The following DPP10 variants were observed in gnomAD, a reference collection of about 807,000 sequenced individuals.
The protein encoded by DPP10 is dipeptidyl peptidase like 10.
DPP10 carries 33 observed loss-of-function variants against 120.9 expected under a neutral mutation model. That is an observed-to-expected ratio of 0.27 (90% CI 0.21 to 0.37). DPP10 has a LOEUF of 0.37. DPP10 is among the 10% of genes least tolerant of loss of function. The pLI is 1.00. For synonymous variants in DPP10, 337 were observed against 326.1 expected, an observed-to-expected ratio of 1.03 and a Z score of -0.36; for missense variants, 816 against 942.8, an observed-to-expected ratio of 0.87 and a Z score of 1.76.
intron 5 of DPP10, among the ~76,000 whole-genome samples, chr2:115,578,797 A>G (rs544593115): frequency 6.6e-6 from 1 of 152,270 alleles, no homozygotes; most frequent in African/African-American, 2.4e-5. Flanking sequence ...TTACTATATT[A>G]CTTGTCCCTA....
intron 24 of DPP10, among the ~76,000 whole-genome samples, chr2:115,840,310 G>GGTTT (rs1689958721): frequency 1.4e-5 from 1 of 69,982 alleles, no homozygotes; most frequent in South Asian, 6.2e-4. Flanking sequence ...CCAGATATAA[G>GGTTT]GTTTTTTGGT....
At chr2:115,382,313 C>G (rs137882918) in intron 3 of DPP10, among the ~76,000 whole-genome samples, 332 of 152,270 alleles carry the variant, frequency 2.2e-3, no homozygotes, top group Non-Finnish European at 3.8e-3. Flanking sequence ...TGGGAGTGAC[C>G]TGATTTTCCA....
intron 1 of DPP10, among the ~76,000 whole-genome samples, chr2:114,785,737 G>T (rs939899666): frequency 1.3e-5 from 2 of 152,132 alleles, no homozygotes; most frequent in African/African-American, 4.8e-5. Context: ...GTCTAAGGGG[G>T]AGCTGAAGAC....
chr2:115,618,371 C>A (rs1341747878), intron 5 of DPP10, among the ~76,000 whole-genome samples: 1 of 152,044 alleles, frequency 6.6e-6, no homozygotes, highest in Non-Finnish European at 1.5e-5. Flanking sequence ...GTCGTGAAAG[C>A]CTTCTGTGAG....
chr2:114,565,140 G>A (rs747333079), intron 1 of DPP10, among the ~76,000 whole-genome samples: 4 of 152,130 alleles, frequency 2.6e-5, no homozygotes, highest in Non-Finnish European at 5.9e-5. Flanking sequence ...GGTTCAAGAA[G>A]GGCTAATCCT....
chr2:115,106,579 G>A (rs1442305592), intron 1 of DPP10, among the ~76,000 whole-genome samples: 3 of 152,058 alleles, frequency 2.0e-5, no homozygotes, highest in Non-Finnish European at 4.4e-5. Context: ...TCCTACCTCA[G>A]CTCCCCGAGT....
chr2:115,024,759 A>T (rs1703339035), intron 1 of DPP10, among the ~76,000 whole-genome samples: 1 of 147,600 alleles, frequency 6.8e-6, no homozygotes, highest in African/African-American at 2.5e-5. Flanking sequence ...TTTATATATA[A>T]ATATGTATTT....
chr2:115,156,854 T>C (rs2051948927), intron 1 of DPP10, among the ~76,000 whole-genome samples: 2 of 152,266 alleles, frequency 1.3e-5, no homozygotes, highest in South Asian at 4.1e-4. Context: ...TGTAGACAAA[T>C]CTGATTGAGA....
intron 1 of DPP10, among the ~76,000 whole-genome samples, chr2:115,127,759 C>T (rs934709547): frequency 1.3e-5 from 2 of 152,130 alleles, no homozygotes; most frequent in Admixed American, 6.6e-5. Flanking sequence ...TTACTTGCCC[C>T]TTAGTAGCTT....
At chr2:115,667,200 A>G (rs1469837684) in intron 5 of DPP10, among the ~76,000 whole-genome samples, 4 of 151,844 alleles carry the variant, frequency 2.6e-5, no homozygotes, top group Non-Finnish European at 4.4e-5. Context: ...TAATATGGTT[A>G]TTTGTTTTTA....
At chr2:115,056,578 T>A (rs1021208989) in intron 1 of DPP10, among the ~76,000 whole-genome samples, 1 of 152,116 alleles carries the variant, frequency 6.6e-6, no homozygotes, top group Non-Finnish European at 1.5e-5. Flanking sequence ...AGGTCTGTCT[T>A]GAACTCCTGG....
At chr2:115,404,432 G>T (rs1559551886) in intron 3 of DPP10, among the ~76,000 whole-genome samples, 1 of 152,064 alleles carries the variant, frequency 6.6e-6, no homozygotes, top group Non-Finnish European at 1.5e-5. Flanking sequence ...TTTAGGTGGG[G>T]ACAACATCCA....
At chr2:114,591,649 G>A (rs1280019668) in intron 1 of DPP10, among the ~76,000 whole-genome samples, 2 of 148,642 alleles carry the variant, frequency 1.3e-5, no homozygotes, top group African/African-American at 2.5e-5. Context: ...CTGCCTTCCT[G>A]GTTCAAGTGA....
rs78116780 is a variant in DPP10 at position 115,403,381 on chromosome 2, C to CTTTTTTTTTTTTTTT, written c.271+59491_271+59505dup. ...TACTTCTCTCTTTCTTTCTTTCCTT[C>CTTTTTTTTTTTTTTT]TTTTTTTTTTTTTTTTTTTTTTTTT... On this transcript the variant is annotated intron_variant, in intron 3 of 25. Transcript: ENST00000410059. 4.2e-5 allele frequency among the ~76,000 whole-genome samples: 5 copies of CTTTTTTTTTTTTTTT among 118,384 alleles called. 1 individual carries two copies. The highest frequency in any genetic ancestry group is 1.1e-4 in the African/African-American group (3 of 28,106). 77.7% of individuals were successfully genotyped at this position (118,384 alleles called of 152,430 possible).
At chr2:115,342,762 A>G (rs1459269735) in intron 2 of DPP10, among the ~76,000 whole-genome samples, 1 of 152,202 alleles carries the variant, frequency 6.6e-6, no homozygotes, top group African/African-American at 2.4e-5. Flanking sequence ...CTAAAATTAT[A>G]ATCAAACAAT....
At chr2:114,757,803 G>C (rs115296741) in intron 1 of DPP10, among the ~76,000 whole-genome samples, 2 of 152,092 alleles carry the variant, frequency 1.3e-5, no homozygotes, top group African/African-American at 4.8e-5. Flanking sequence ...GCGTTTCCAC[G>C]TGTTTCCGAT....
At position 115,430,926 on chromosome 2, in the gene DPP10, A is replaced by T. The variant is rs186527933; in HGVS notation, c.272-68584A>T. Among the ~76,000 whole-genome samples, 148 of 152,318 alleles carry T rather than the reference A, an allele frequency of 9.7e-4. No homozygotes were observed. In the Middle Eastern group the frequency reaches 0.014, roughly 14 times the overall value. On this transcript the variant is annotated intron_variant, in intron 3 of 25. Transcript: ENST00000410059. ...GCAGTTACTCTGAAATCTTAAATGA[A>T]TCATATTGGAGTAAGGTGACATAAA...
At chr2:115,589,138 G>A (rs1010947673) in intron 5 of DPP10, among the ~76,000 whole-genome samples, 1 of 152,132 alleles carries the variant, frequency 6.6e-6, no homozygotes, top group African/African-American at 2.4e-5. Context: ...AGTGAACAGT[G>A]TTTGTACACT....
chr2:114,656,094 TG>T (rs778189343), intron 1 of DPP10, among the ~76,000 whole-genome samples: 13 of 152,202 alleles, frequency 8.5e-5, no homozygotes, highest in Non-Finnish European at 1.8e-4. Flanking sequence ...TTTGCATATT[TG>T]TGTCTTTGAA....
Sources: gnomAD v4.1 joint callset for allele counts (sites outside exome capture counted in the v4.1 genomes callset) on GRCh38, gnomAD v4.1.1 for gene constraint, MANE v1.5 for transcripts, NCBI Gene and HGNC (gene_info 2026-07-23, HGNC 2026-07-21) for gene names.